DMD: variants seen among roughly 807,000 people sequenced by gnomAD.
DMD encodes dystrophin, also known as mutant dystrophin.
Under a neutral mutation model 330.1 loss-of-function variants are expected in DMD, and 63 were observed. The ratio of observed to expected loss-of-function variants is 0.19; its 90% CI spans 0.16 to 0.24. DMD has a LOEUF of 0.24. Ranked by LOEUF, DMD falls within the 10% of genes least tolerant of loss-of-function variation. DMD has a pLI of 1.00. For synonymous variants in DMD, 1,223 were observed against 959.8 expected, an observed-to-expected ratio of 1.27 and a Z score of -5.07; for missense variants, 3,344 against 2,684.1, an observed-to-expected ratio of 1.25 and a Z score of -5.43.
At chrX:33,001,175 C>A (rs181058569) in intron 2 of DMD, among the ~76,000 whole-genome samples, 1 of 111,565 alleles carries the variant, frequency 9.0e-6, no homozygotes, top group East Asian at 2.8e-4. Flanking sequence ...CCAGAACAAG[C>A]AAAAGGAGTG....
intron 62 of DMD, among the ~76,000 whole-genome samples, chrX:31,281,016 T>G (rs1792637752): frequency 9.0e-6 from 1 of 111,711 alleles, no homozygotes; most frequent in Non-Finnish European, 1.9e-5. Context: ...CTCAATCCAT[T>G]CTCAGAATAA....
chrX:31,179,563 A>G (rs1051764788), intron 69 of DMD, among the ~76,000 whole-genome samples: 4 of 112,119 alleles, frequency 3.6e-5, no homozygotes, highest in African/African-American at 9.7e-5. Flanking sequence ...AAGAGAAGAG[A>G]AACACGAAGG....
At chrX:32,686,706 T>C (rs1286996293) in intron 9 of DMD, among the ~76,000 whole-genome samples, 3 of 110,410 alleles carry the variant, frequency 2.7e-5, no homozygotes, top group Non-Finnish European at 5.7e-5. Context: ...GTTAATAATT[T>C]AAAGAGAAAA....
rs1024151134 is a variant in DMD at position 33,102,229 on chromosome X, C to A, written c.32-82029G>T. Among the ~76,000 whole-genome samples, 10 of 109,895 alleles carry A rather than the reference C, an allele frequency of 9.1e-5. No individual in the cohort carries two copies. The Admixed American group carries it at 9.8e-4, about 11-fold the overall frequency. On this transcript the variant is annotated intron_variant, in intron 1 of 78. Coordinates refer to ENST00000357033, the MANE Select transcript of DMD (RefSeq NM_004006.3). ...CCTTGAGATAACTCTAAAATTTATT[C>A]ATTAAAAGAATCGTCCTTTAAGTAT... is the stretch of plus-strand genomic sequence containing the variant.
At chrX:32,529,479 C>A (rs1011576721) in intron 17 of DMD, among the ~76,000 whole-genome samples, 1 of 91,872 alleles carries the variant, frequency 1.1e-5, no homozygotes, top group Non-Finnish European at 2.1e-5. Context: ...CTGCAACCCC[C>A]GCCTCCTGGG....
chrX:32,466,293 C>T (rs916317227), intron 23 of DMD, among the ~76,000 whole-genome samples: 5 of 111,257 alleles, frequency 4.5e-5, no homozygotes, highest in African/African-American at 9.8e-5. Flanking sequence ...CTTTCTTTCT[C>T]GGTATTAGCT....
At chrX:31,511,583 T>C (rs1006509930) in intron 55 of DMD, among the ~76,000 whole-genome samples, 1 of 103,969 alleles carries the variant, frequency 9.6e-6, no homozygotes, top group Non-Finnish European at 2.0e-5. Flanking sequence ...ATATGCGGTG[T>C]TTGGTGTTCT....
At chrX:31,188,291 T>C (rs1238839741) in intron 67 of DMD, among the ~76,000 whole-genome samples, 1 of 112,176 alleles carries the variant, frequency 8.9e-6, no homozygotes, top group Non-Finnish European at 1.9e-5. Flanking sequence ...CCAGGCAAGC[T>C]TCTGTAAAGA....
At chrX:31,646,828 C>T (rs1481460057) in intron 54 of DMD, among the ~76,000 whole-genome samples, 5 of 111,969 alleles carry the variant, frequency 4.5e-5, no homozygotes, top group Admixed American at 1.9e-4. Flanking sequence ...CTGATGAGGC[C>T]GCAACGCACT....
intron 62 of DMD, among the ~76,000 whole-genome samples, chrX:31,292,632 C>T (rs757607035): frequency 9.0e-6 from 1 of 111,704 alleles, no homozygotes; most frequent in African/African-American, 3.3e-5. Context: ...GTTGTACACA[C>T]GTGTGTGCCA....
At chrX:31,735,455 C>G (rs760456206) in intron 51 of DMD, among the ~76,000 whole-genome samples, 6 of 111,893 alleles carry the variant, frequency 5.4e-5, no homozygotes, top group Non-Finnish European at 1.1e-4. Context: ...TTCCATGACA[C>G]TACTACCTGA....
chrX:31,535,911 T>C (rs1489995440), intron 55 of DMD, among the ~76,000 whole-genome samples: 1 of 112,047 alleles, frequency 8.9e-6, no homozygotes, highest in Admixed American at 9.5e-5. Flanking sequence ...CCTTTGAAAG[T>C]TGGACAACTC....
chrX:32,455,327 A>G (rs898657327), intron 25 of DMD, among the ~76,000 whole-genome samples: 32 of 111,652 alleles, frequency 2.9e-4, no homozygotes, highest in African/African-American at 9.7e-4. Flanking sequence ...CACAAAGAAG[A>G]TAATATATGG....
intron 7 of DMD, among the ~76,000 whole-genome samples, chrX:32,706,609 C>T (rs1204572042): frequency 1.8e-5 from 2 of 110,812 alleles, no homozygotes; most frequent in Admixed American, 9.6e-5. Context: ...AACAGTGGCT[C>T]AAAATGCATA....
intron 55 of DMD, among the ~76,000 whole-genome samples, chrX:31,622,051 T>C (rs764844078): frequency 9.0e-6 from 1 of 111,695 alleles, no homozygotes; most frequent in South Asian, 3.8e-4. Flanking sequence ...CCCCAGTGCA[T>C]AAGCAAGGTT....
chrX:33,200,925 CTTTTT>C, intron 1 of DMD, among the ~76,000 whole-genome samples: 1 of 52,811 alleles, frequency 1.9e-5, no homozygotes, highest in Admixed American at 3.7e-4. Context: ...AATCAATAGA[CTTTTT>C]TTTTTTTTTT....
intron 55 of DMD, among the ~76,000 whole-genome samples, chrX:31,605,657 G>T (rs868228990): frequency 4.5e-5 from 5 of 111,210 alleles, no homozygotes; most frequent in Non-Finnish European, 7.5e-5. Flanking sequence ...AAATATATAT[G>T]AATTGAATGT....
rs12007695 is a variant in DMD, at chrX:31,241,691, G to A, written c.9287-18570C>T. On this transcript the variant is annotated intron_variant, in intron 63 of 78. Coordinates refer to ENST00000357033, the MANE Select transcript of DMD (RefSeq NM_004006.3). ...TGTTAAGAAAAACCTCTGGAGTCAC[G>A]TTCCCTTTTCCTTCCCCCATTGCTA... 4.3e-3 allele frequency among the ~76,000 whole-genome samples: 481 copies of A among 110,818 alleles called. 5 individuals are homozygous for A. The highest frequency in any genetic ancestry group is 0.015 in the African/African-American group (447 of 30,448).
chrX:31,438,396 AG>A (rs1206706936), intron 60 of DMD, among the ~76,000 whole-genome samples: 2 of 112,052 alleles, frequency 1.8e-5, no homozygotes, highest in African/African-American at 6.5e-5. Flanking sequence ...CAGATTCTCA[AG>A]CTCCACACCA....
Sources: gnomAD v4.1 joint callset for allele counts (sites outside exome capture counted in the v4.1 genomes callset) on GRCh38, gnomAD v4.1.1 for gene constraint, MANE v1.5 for transcripts, NCBI Gene and HGNC (gene_info 2026-07-23, HGNC 2026-07-21) for gene names.